Variants in GRIA1 observed in about 807,000 individuals in gnomAD.
The protein encoded by GRIA1 is glutamate receptor 1.
Under a neutral mutation model 99.2 loss-of-function variants are expected in GRIA1, and 31 were observed. The observed-to-expected ratio is 0.31, with a 90% CI of 0.23 to 0.42. GRIA1 has a LOEUF of 0.42. Among genes scored for constraint, GRIA1 ranks in the 10% least tolerant of loss-of-function variants. The pLI is 1.00. For missense variants in GRIA1, 782 were observed against 1,157.5 expected (o/e 0.68, Z 4.71); for synonymous variants, 438 against 432.4 (o/e 1.01, Z -0.16).
chr5:153,706,914 G>A (rs1400830596), intron 11 of GRIA1, among the ~76,000 whole-genome samples: 3 of 152,048 alleles, frequency 2.0e-5, no homozygotes, highest in Non-Finnish European at 4.4e-5. Context: ...GGCCAACATG[G>A]TGAAACCCTG....
intron 2 of GRIA1, among the ~76,000 whole-genome samples, chr5:153,621,090 T>C (rs1022902967): frequency 3.3e-5 from 5 of 152,196 alleles, no homozygotes; most frequent in African/African-American, 1.2e-4. Context: ...AATCCATGTA[T>C]TAATACATGC....
At chr5:153,720,368 G>A (rs1759969379) in intron 11 of GRIA1, among the ~76,000 whole-genome samples, 2 of 152,142 alleles carry the variant, frequency 1.3e-5, no homozygotes, top group South Asian at 4.1e-4. Flanking sequence ...AAAGAGACAG[G>A]AGGAGCATTA....
At position 153,490,820 on chromosome 5, in the gene GRIA1, G is replaced by C; in HGVS notation, c.-69G>C. 1.8e-6 allele frequency: 2 copies of C among 1,117,228 alleles called. No individual in the cohort carries two copies. The highest frequency in any genetic ancestry group is 1.2e-5 in the South Asian group (1 of 81,106). The allele number at this position is 1,117,228 out of a possible 1,614,324, so 69.2% of individuals were successfully genotyped here. On this transcript the variant is annotated 5_prime_UTR_variant, in exon 1 of 16. Transcript: ENST00000285900. ...CAGGCAGAACAGCGAGAAGAATAAA[G>C]GGAAAGGGGGGGAAACACCAAATCT...
intron 3 of GRIA1, among the ~76,000 whole-genome samples, chr5:153,647,618 G>A (rs1581397074): frequency 6.6e-6 from 1 of 152,060 alleles, no homozygotes; most frequent in East Asian, 1.9e-4. Context: ...TCTTATAAAG[G>A]TTTTGTGAAA....
At chr5:153,712,376 C>T (rs774294229) in intron 11 of GRIA1, among the ~76,000 whole-genome samples, 4 of 152,124 alleles carry the variant, frequency 2.6e-5, no homozygotes, top group African/African-American at 7.2e-5. Flanking sequence ...AACTGACTCA[C>T]GGTAGGAAGA....
chr5:153,707,394 C>T (rs532657041), intron 11 of GRIA1, among the ~76,000 whole-genome samples: 1 of 152,318 alleles, frequency 6.6e-6, no homozygotes, highest in South Asian at 2.1e-4. Context: ...TACTGACCTC[C>T]TGTTCTTCTG....
intron 7 of GRIA1, 27 bp downstream of exon 7, chr5:153,677,188 T>A: frequency 7.2e-7 from 1 of 1,397,174 alleles, no homozygotes; most frequent in South Asian, 1.8e-5. Context: ...TTGCCCCATC[T>A]CATAGGAGCC....
At chr5:153,800,098 C>G (rs1002341127) in intron 14 of GRIA1, among the ~76,000 whole-genome samples, 1 of 152,176 alleles carries the variant, frequency 6.6e-6, no homozygotes, top group East Asian at 1.9e-4. Context: ...GCAAGGTGTG[C>G]TTTGGCTATT....
intron 2 of GRIA1, among the ~76,000 whole-genome samples, chr5:153,620,202 T>C (rs1766899923): frequency 1.3e-5 from 2 of 152,212 alleles, no homozygotes; most frequent in South Asian, 4.1e-4. Context: ...ATAATGAATA[T>C]TGTACATGCC....
At chr5:153,522,586 G>C (rs1369095650) in intron 2 of GRIA1, among the ~76,000 whole-genome samples, 1 of 152,182 alleles carries the variant, frequency 6.6e-6, no homozygotes, top group African/African-American at 2.4e-5. Flanking sequence ...GGGGAGTGGG[G>C]AGAGGCATTG....
intron 5 of GRIA1, among the ~76,000 whole-genome samples, chr5:153,667,269 T>A (rs924828522): frequency 2.6e-5 from 4 of 152,230 alleles, no homozygotes; most frequent in African/African-American, 9.6e-5. Flanking sequence ...CAATGTTAGA[T>A]GCTCCTTCTT....
At chr5:153,807,096 C>T (rs1766482630) in intron 15 of GRIA1, among the ~76,000 whole-genome samples, 1 of 152,210 alleles carries the variant, frequency 6.6e-6, no homozygotes. Flanking sequence ...CCCTTCAGTT[C>T]CCCTCATCTG....
intron 2 of GRIA1, among the ~76,000 whole-genome samples, chr5:153,638,092 A>G (rs1561715667): frequency 1.3e-5 from 2 of 152,360 alleles, no homozygotes; most frequent in Admixed American, 6.5e-5. Context: ...AGAGATTAAA[A>G]TAGGTAAATG....
chr5:153,549,177 G>C (rs1365129506), intron 2 of GRIA1, among the ~76,000 whole-genome samples: 1 of 152,152 alleles, frequency 6.6e-6, no homozygotes, highest in Non-Finnish European at 1.5e-5. Context: ...TTTCAACCAG[G>C]CTGGATAATT....
chr5:153,528,178 A>G (rs1350490748), intron 2 of GRIA1, among the ~76,000 whole-genome samples: 2 of 152,212 alleles, frequency 1.3e-5, no homozygotes, highest in Non-Finnish European at 2.9e-5. Flanking sequence ...CAAAACATAT[A>G]GACATTATTT....
At chr5:153,660,786 G>A (rs1445446673) in intron 5 of GRIA1, among the ~76,000 whole-genome samples, 1 of 152,146 alleles carries the variant, frequency 6.6e-6, no homozygotes, top group African/African-American at 2.4e-5. Flanking sequence ...CCTCTGTTTT[G>A]AGAAACACTC....
chr5:153,803,123 T>C (rs1327691076), intron 15 of GRIA1, among the ~76,000 whole-genome samples: 3 of 152,134 alleles, frequency 2.0e-5, no homozygotes, highest in Non-Finnish European at 4.4e-5. Context: ...TCCCAAAGTA[T>C]ACAACAAGAA....
intron 2 of GRIA1, among the ~76,000 whole-genome samples, chr5:153,566,114 T>G (rs1190134490): frequency 2.6e-5 from 4 of 152,036 alleles, no homozygotes; most frequent in Admixed American, 2.6e-4. Context: ...GGTTTCAATT[T>G]CTCCACATCC....
intron 2 of GRIA1, among the ~76,000 whole-genome samples, chr5:153,575,197 A>AAAAGAGAGAGAG (rs139494101): frequency 1.4e-5 from 2 of 147,768 alleles, no homozygotes; most frequent in African/African-American, 2.5e-5. Context: ...TCAAGAGAGA[A>AAAAGAGAGAGAG]AGAGAGAGAG....
Sources: gnomAD v4.1 joint callset for allele counts (sites outside exome capture counted in the v4.1 genomes callset) on GRCh38, gnomAD v4.1.1 for gene constraint, MANE v1.5 for transcripts, NCBI Gene and HGNC (gene_info 2026-07-23, HGNC 2026-07-21) for gene names.